The following PRKCE variants were observed in gnomAD, a reference collection of about 807,000 sequenced individuals.
PRKCE encodes the protein protein kinase C epsilon type.
In PRKCE, 16 loss-of-function variants were observed where a neutral mutation model predicts 85.4. The ratio of observed to expected loss-of-function variants is 0.19; its 90% CI spans 0.13 to 0.28. The LOEUF is 0.28. Among genes scored for constraint, PRKCE ranks in the 10% least tolerant of loss-of-function variants. PRKCE has a pLI of 1.00. For synonymous variants in PRKCE, 388 were observed against 371.5 expected (o/e 1.04, Z -0.51); for missense variants, 573 against 975.2 (o/e 0.59, Z 5.49).
At position 46,149,676 on chromosome 2, in the gene PRKCE, T is replaced by C. The variant is rs1036299687; in HGVS notation, c.1732-1365T>C. 3.5e-4 allele frequency among the ~76,000 whole-genome samples: 52 copies of C among 150,104 alleles called. 1 individual carries two copies. Among genetic ancestry groups the C allele is most frequent in the Non-Finnish European group, 6.4e-4 (43 of 67,650 alleles). ...AAGGTGATATTAAATTCTAGTCTTT[T>C]CTATTGGATGTCATCTCCATATATA... On this transcript the variant is annotated intron_variant, in intron 12 of 14. Transcript: ENST00000306156.
chr2:45,851,212 T>C (rs958938928), intron 2 of PRKCE, among the ~76,000 whole-genome samples: 1 of 152,232 alleles, frequency 6.6e-6, no homozygotes, highest in Non-Finnish European at 1.5e-5. Context: ...CACGGCCCAC[T>C]GAAGATTCAT....
intron 5 of PRKCE, among the ~76,000 whole-genome samples, chr2:45,981,674 C>T (rs975871747): frequency 1.3e-5 from 2 of 152,170 alleles, no homozygotes; most frequent in African/African-American, 2.4e-5. Flanking sequence ...GTTGCTTTCA[C>T]GAGGAAATGA....
intron 10 of PRKCE, among the ~76,000 whole-genome samples, chr2:46,038,416 G>A (rs959768293): frequency 6.6e-6 from 1 of 152,044 alleles, no homozygotes; most frequent in Admixed American, 6.6e-5. Context: ...AAAACTGTTT[G>A]TCCCTGCTGC....
chr2:46,103,577 A>G, intron 11 of PRKCE, among the ~76,000 whole-genome samples: 1 of 152,186 alleles, frequency 6.6e-6, no homozygotes, highest in East Asian at 1.9e-4. Context: ...GCAAATATAA[A>G]AAACAGTTGA....
At chr2:45,983,867 C>T (rs1703095019) in intron 5 of PRKCE, among the ~76,000 whole-genome samples, 1 of 152,050 alleles carries the variant, frequency 6.6e-6, no homozygotes, top group African/African-American at 2.4e-5. Context: ...ATCCCGTGTC[C>T]ACCATTGAGC....
intron 2 of PRKCE, among the ~76,000 whole-genome samples, chr2:45,898,708 A>G (rs1313512396): frequency 1.3e-5 from 2 of 152,180 alleles, no homozygotes; most frequent in African/African-American, 2.4e-5. Flanking sequence ...GAGGGGTGGG[A>G]CATAGAAATA....
chr2:45,950,353 C>T (rs1394342044), intron 2 of PRKCE, among the ~76,000 whole-genome samples: 1 of 152,212 alleles, frequency 6.6e-6, no homozygotes, highest in African/African-American at 2.4e-5. Context: ...CATCATGGGA[C>T]ATCAGCCAAT....
At chr2:45,894,053 A>T (rs979226639) in intron 2 of PRKCE, among the ~76,000 whole-genome samples, 8 of 152,308 alleles carry the variant, frequency 5.3e-5, no homozygotes, top group African/African-American at 1.9e-4. Flanking sequence ...CATAGGAGGC[A>T]CCCAAACACT....
intron 1 of PRKCE, among the ~76,000 whole-genome samples, chr2:45,778,512 T>G (rs1007783472): frequency 6.6e-6 from 1 of 152,122 alleles, no homozygotes; most frequent in Admixed American, 6.5e-5. Context: ...GTTCCGCCTT[T>G]GAGATGGTCC....
At chr2:45,942,380 A>G (rs1699946502) in intron 2 of PRKCE, among the ~76,000 whole-genome samples, 1 of 152,238 alleles carries the variant, frequency 6.6e-6, no homozygotes. Context: ...TGCAAGTGAG[A>G]AAAAAATCAT....
At chr2:46,147,879 C>T (rs772126280) in intron 12 of PRKCE, among the ~76,000 whole-genome samples, 2 of 152,180 alleles carry the variant, frequency 1.3e-5, no homozygotes, top group Non-Finnish European at 2.9e-5. Context: ...TTGATGAAGT[C>T]ACAAAATGTT....
intron 13 of PRKCE, among the ~76,000 whole-genome samples, chr2:46,154,028 G>A (rs1380663496): frequency 2.0e-5 from 3 of 151,874 alleles, no homozygotes; most frequent in South Asian, 2.1e-4. Flanking sequence ...CTCGTGATCC[G>A]CCCGCCTCAG....
chr2:45,835,505 A>G (rs1048649450), intron 1 of PRKCE, among the ~76,000 whole-genome samples: 1 of 152,016 alleles, frequency 6.6e-6, no homozygotes, highest in Admixed American at 6.5e-5. Context: ...GTTCTAGAAC[A>G]TCGTAGAAGT....
intron 10 of PRKCE, among the ~76,000 whole-genome samples, chr2:46,085,518 G>A (rs578087691): frequency 0.014 from 2,168 of 152,186 alleles, 63 homozygotes; most frequent in East Asian, 0.08. Flanking sequence ...TCCGCTCCTT[G>A]CCTCTTCCAG....
At chr2:45,925,337 C>T (rs1419528408) in intron 2 of PRKCE, among the ~76,000 whole-genome samples, 1 of 151,946 alleles carries the variant, frequency 6.6e-6, no homozygotes, top group African/African-American at 2.4e-5. Flanking sequence ...GCTCTTGTCA[C>T]CCAGGATGGA....
At chr2:45,742,362 G>A (rs1682650749) in intron 1 of PRKCE, among the ~76,000 whole-genome samples, 3 of 151,810 alleles carry the variant, frequency 2.0e-5, no homozygotes, top group African/African-American at 7.3e-5. Context: ...TTGAGCCCAG[G>A]ATTTCAAGGC....
chr2:46,001,428 G>A lies in PRKCE; in HGVS notation c.848G>A (p.Arg283Gln), dbSNP rs1248666676. ...CKVCKMNVHR[R>Q]CETNVAPNCG... is the part of the protein sequence containing the mutation. ...GTCTGCAAAATGAATGTTCACCGTC[G>A]ATGTGAGACCAACGTGGCTCCCAAC... Residue 283 changes from arginine (R) to glutamine (Q), a missense_variant, in exon 7 of 15, where the codon CGA (arginine) becomes CAA (glutamine). Arg to Gln is a conservative substitution (Grantham distance 43, BLOSUM62 1). This residue lies in a region of PRKCE where 55 missense variants were observed against 128.1 expected (regional missense o/e 0.43). Coordinates refer to ENST00000306156, the MANE Select transcript of PRKCE (RefSeq NM_005400.3). The surrounding 1 kb of genome is among the most constrained non-coding windows in gnomAD (Gnocchi z 4.4). The A allele has an allele frequency of 6.3e-7, 1 of 1,599,022 alleles. No individual in the cohort carries two copies. The highest frequency in any genetic ancestry group is 8.5e-7 in the Non-Finnish European group (1 of 1,179,640).
At chr2:46,077,167 G>GCGCA (rs1668629693) in intron 10 of PRKCE, among the ~76,000 whole-genome samples, 1 of 150,098 alleles carries the variant, frequency 6.7e-6, no homozygotes, top group African/African-American at 2.5e-5. Flanking sequence ...TCTTTCTCGT[G>GCGCA]CACACACACA....
At chr2:45,893,196 TCCTTCAGAGAAC>T (rs1695866329) in intron 2 of PRKCE, among the ~76,000 whole-genome samples, 1 of 152,094 alleles carries the variant, frequency 6.6e-6, no homozygotes, top group Non-Finnish European at 1.5e-5. Flanking sequence ...AGTGGCCTGT[TCCTTCAGAGAAC>T]TTGGGGAGAT....
Sources: allele counts gnomAD v4.1 joint callset (sites outside exome capture counted in the v4.1 genomes callset), GRCh38; gene constraint gnomAD v4.1.1; regional missense constraint gnomAD v4.1.1; non-coding constraint Gnocchi (gnomAD v3.1); transcripts MANE v1.5; gene names NCBI Gene and HGNC (gene_info 2026-07-23, HGNC 2026-07-21).